LPGAT1: variants seen among roughly 807,000 people sequenced by gnomAD.
LPGAT1 encodes lysophosphatidylglycerol acyltransferase 1, also known as acyl-CoA:lysophosphatidylglycerol acyltransferase 1.
In LPGAT1, 11 loss-of-function variants were observed where a neutral mutation model predicts 47.5. That is an observed-to-expected ratio of 0.23 (90% CI 0.15 to 0.38). The LOEUF (loss-of-function observed/expected upper bound fraction) is 0.38, where lower values mean the gene tolerates loss of function less well. LPGAT1 is among the 10% of genes least tolerant of loss of function. The pLI is 1.00. For synonymous variants in LPGAT1, 138 were observed against 144.2 expected (o/e 0.96, Z 0.31); for missense variants, 293 against 439.0 (o/e 0.67, Z 2.97).
chr1:211,765,137 C>T (rs1657853885), intron 6 of LPGAT1, among the ~76,000 whole-genome samples: 1 of 152,190 alleles, frequency 6.6e-6, no homozygotes. Context: ...AAGAGAATCA[C>T]TATTACACTT....
chr1:211,799,074 C>T (rs79084391), intron 2 of LPGAT1, among the ~76,000 whole-genome samples: 3,600 of 152,220 alleles, frequency 0.024, 65 homozygotes, highest in Non-Finnish European at 0.03. Flanking sequence ...ATAAGAACCA[C>T]TGGAATTGAA....
At chr1:211,814,261 A>G (rs147466622) in intron 2 of LPGAT1, among the ~76,000 whole-genome samples, 1 of 152,342 alleles carries the variant, frequency 6.6e-6, no homozygotes, top group African/African-American at 2.4e-5. Context: ...AATAGTTAGG[A>G]ACCACAACTA....
rs1206719389 is a variant in LPGAT1, at chr1:211,747,202, C to T, written c.*2697G>A. The T allele has an allele frequency of 1.3e-5, 2 of 152,138 alleles. No individual in the cohort carries two copies. The highest frequency in any genetic ancestry group is 2.9e-5 in the Non-Finnish European group (2 of 68,026). 9.4% of individuals were successfully genotyped at this position (152,138 alleles called of 1,614,324 possible). On this transcript the variant is annotated 3_prime_UTR_variant, in exon 8 of 8. Transcript: ENST00000366997. ...TATAAGAATACTGATTCTCTCTTTACCTTCTCTAGTGCAAGCAGGAGAACT... is the reference window on the plus strand; with the variant it reads ...TATAAGAATACTGATTCTCTCTTTATCTTCTCTAGTGCAAGCAGGAGAACT...
intron 2 of LPGAT1, among the ~76,000 whole-genome samples, chr1:211,820,641 T>C (rs764239014): frequency 2.0e-5 from 3 of 148,394 alleles, no homozygotes; most frequent in Non-Finnish European, 4.5e-5. Flanking sequence ...GTAAAAGACA[T>C]GAAAGAAACA....
At position 211,749,234 on chromosome 1, in the gene LPGAT1, G is replaced by A. The variant is rs1657072525; in HGVS notation, c.*665C>T. 1 of 152,652 alleles carries A rather than the reference G, an allele frequency of 6.6e-6. No homozygotes were observed. The highest frequency in any genetic ancestry group is 6.5e-5 in the Admixed American group (1 of 15,278). The allele number at this position is 152,652 out of a possible 1,614,324, so 9.5% of individuals were successfully genotyped here. On this transcript the variant is annotated 3_prime_UTR_variant, in exon 8 of 8. Coordinates refer to ENST00000366997, the MANE Select transcript of LPGAT1 (RefSeq NM_014873.3). ...TGATACAAAATGAGAAGTCAGATAA[G>A]GAAAAGCACGAGTGTATGTAAACAC...
intron 1 of LPGAT1, chr1:211,829,613 G>A (rs1660655668): frequency 5.1e-6 from 6 of 1,173,932 alleles, no homozygotes; most frequent in Admixed American, 4.2e-5. Context: ...TCCCCGCACC[G>A]TGTCTCACTG....
intron 6 of LPGAT1, among the ~76,000 whole-genome samples, chr1:211,771,216 A>G (rs1393491826): frequency 6.6e-6 from 1 of 152,062 alleles, no homozygotes; most frequent in African/African-American, 2.4e-5. Context: ...CAGTGATATG[A>G]TGTACAGGTC....
chr1:211,757,806 A>G (rs1657528243), intron 6 of LPGAT1, among the ~76,000 whole-genome samples: 1 of 152,220 alleles, frequency 6.6e-6, no homozygotes, highest in South Asian at 2.1e-4. Flanking sequence ...GGTAACTTCC[A>G]TCTTTTGAAT....
intron 2 of LPGAT1, among the ~76,000 whole-genome samples, chr1:211,828,384 T>C (rs1469845716): frequency 1.3e-5 from 2 of 152,262 alleles, no homozygotes; most frequent in Non-Finnish European, 2.9e-5. Flanking sequence ...TTTAGTTCTA[T>C]AAAAGTCCAC....
In LPGAT1 at chr1:211,755,312, T is replaced by C. The variant is rs984798250; in HGVS notation, c.855-4245A>G. On this transcript the variant is annotated intron_variant, in intron 6 of 7. Transcript: ENST00000366997. The stretch of plus-strand genomic sequence containing the variant: ...AGGATCGCACCACTGCACTCCAGCC[T>C]GGGTGACAGAGCAAGACTCCGTCTC... Among the ~76,000 whole-genome samples, 29 of 150,716 alleles carry C rather than the reference T, an allele frequency of 1.9e-4. 1 individual carries two copies. Among genetic ancestry groups the C allele is most frequent in the African/African-American group, 6.6e-4 (27 of 40,974 alleles).
rs984502297 is a variant in LPGAT1 at position 211,747,315 on chromosome 1, G to A, written c.*2584C>T. 2.6e-5 allele frequency: 4 copies of A among 152,102 alleles called. No individual in the cohort carries two copies. Among genetic ancestry groups the A allele is most frequent in the Non-Finnish European group, 5.9e-5 (4 of 68,014 alleles). 9.4% of individuals were successfully genotyped at this position (152,102 alleles called of 1,614,324 possible). A position where few individuals can be genotyped will look rare whatever the true frequency, so the allele number is the denominator to read the frequency against. On this transcript the variant is annotated 3_prime_UTR_variant, in exon 8 of 8. Coordinates refer to ENST00000366997, the MANE Select transcript of LPGAT1 (RefSeq NM_014873.3). Reference sequence around the variant, plus strand: ...AGAACATGTTAAAGAATCAAAGAAGGATAGGGCAGATCAAATACACATCTA... The same window carrying A: ...AGAACATGTTAAAGAATCAAAGAAGAATAGGGCAGATCAAATACACATCTA...
Position 211,783,505 on chromosome 1 carries a change from A to G in LPGAT1, c.454-3T>C. 1 of 1,611,518 alleles carries G rather than the reference A, an allele frequency of 6.2e-7. No homozygotes were observed. The highest frequency in any genetic ancestry group is 8.5e-7 in the Non-Finnish European group (1 of 1,178,416). ...TGTTGGTCACGATAAGATCTTCCCT[A>G]GAAGGTACACACACACGTAATAAGT... On this transcript the variant is annotated splice_polypyrimidine_tract_variant and splice_region_variant and intron_variant, in intron 4 of 7. Coordinates refer to ENST00000366997, the MANE Select transcript of LPGAT1 (RefSeq NM_014873.3).
intron 2 of LPGAT1, among the ~76,000 whole-genome samples, chr1:211,796,343 CCTT>C (rs1659350307): frequency 6.6e-6 from 1 of 151,960 alleles, no homozygotes; most frequent in African/African-American, 2.4e-5. Context: ...AGACTGGAGT[CCTT>C]ATAAGAATAG....
At chr1:211,787,057 T>C (rs546507539) in intron 4 of LPGAT1, among the ~76,000 whole-genome samples, 1 of 152,352 alleles carries the variant, frequency 6.6e-6, no homozygotes, top group South Asian at 2.1e-4. Flanking sequence ...TAGTGGGGAA[T>C]GTTTACTAAA....
intron 5 of LPGAT1, among the ~76,000 whole-genome samples, chr1:211,783,027 G>T (rs73086200): frequency 6.6e-6 from 1 of 152,052 alleles, no homozygotes; most frequent in Non-Finnish European, 1.5e-5. Context: ...TTGACTTTAC[G>T]CATTTCTGTA....
At position 211,749,652 on chromosome 1, in the gene LPGAT1, T is replaced by A; in HGVS notation, c.*247A>T. 2.4e-6 allele frequency: 1 copy of A among 410,150 alleles called. No homozygotes were observed. 25.4% of individuals were successfully genotyped at this position (410,150 alleles called of 1,614,324 possible). A position where few individuals can be genotyped will look rare whatever the true frequency, so the allele number is the denominator to read the frequency against. On this transcript the variant is annotated 3_prime_UTR_variant, in exon 8 of 8. Transcript: ENST00000366997. ...TTTCCTCTTCTCCAAATGTGATGTT[T>A]GCTTAAATATGTGATAGAGTGTATC...
intron 6 of LPGAT1, among the ~76,000 whole-genome samples, chr1:211,776,976 ATAT>A (rs1334240533): frequency 1.3e-5 from 2 of 152,196 alleles, no homozygotes; most frequent in Non-Finnish European, 2.9e-5. Context: ...CCAATTATTT[ATAT>A]TATTAACATT....
intron 6 of LPGAT1, among the ~76,000 whole-genome samples, chr1:211,760,815 A>G (rs1422668162): frequency 6.6e-6 from 1 of 152,208 alleles, no homozygotes; most frequent in Non-Finnish European, 1.5e-5. Context: ...ACTATTAACT[A>G]TTCAGGAAAT....
intron 6 of LPGAT1, among the ~76,000 whole-genome samples, chr1:211,772,039 C>T (rs1050458501): frequency 3.9e-5 from 6 of 152,164 alleles, no homozygotes; most frequent in African/African-American, 1.2e-4. Context: ...AATACAGGCA[C>T]GGGCCATTGC....
Sources: allele counts gnomAD v4.1 joint callset (sites outside exome capture counted in the v4.1 genomes callset), GRCh38; gene constraint gnomAD v4.1.1; transcripts MANE v1.5; gene names NCBI Gene and HGNC (gene_info 2026-07-23, HGNC 2026-07-21).